The following TJP2 variants were observed in gnomAD, a reference collection of about 807,000 sequenced individuals.
The protein encoded by TJP2 is tight junction protein 2.
TJP2 carries 91 observed loss-of-function variants against 133.1 expected under a neutral mutation model. The observed-to-expected ratio is 0.68, with a 90% CI of 0.58 to 0.81. The LOEUF (loss-of-function observed/expected upper bound fraction) is 0.81. TJP2 is among the 40% of genes least tolerant of loss of function. TJP2 has a pLI of 0.00. For synonymous variants in TJP2, 592 were observed against 583.4 expected, an observed-to-expected ratio of 1.01 and a Z score of -0.21; for missense variants, 1,541 against 1,565.6, an observed-to-expected ratio of 0.98 and a Z score of 0.26.
intron 1 of TJP2, among the ~76,000 whole-genome samples, chr9:69,151,234 C>T (rs975230874): frequency 6.6e-6 from 1 of 152,144 alleles, no homozygotes; most frequent in Admixed American, 6.5e-5. Context: ...GTAATCCCAG[C>T]ACTTTGGGAA....
rs761129648 is a variant in TJP2, at chr9:69,220,956, C to G, written c.412C>G (p.Arg138Gly). 2 of 1,612,680 alleles carry G rather than the reference C, an allele frequency of 1.2e-6. No homozygotes were observed. The highest frequency in any genetic ancestry group is 1.7e-6 in the Non-Finnish European group (2 of 1,179,978). ...CAGCCCTCCCCTGGATCAGGATGAC[C>G]GGGCTTTTGAGGTGATGGACGAGTT... is the stretch of plus-strand genomic sequence containing the variant. ...QASPPLDQDD[R>G]AFEVMDEFDG... is the part of the protein sequence containing the mutation. Residue 138 changes from arginine (R) to glycine (G), a missense_variant, in exon 5 of 23, where the codon CGG becomes GGG. Arg to Gly is a moderately radical substitution (Grantham distance 125). Coordinates refer to ENST00000377245, the MANE Select transcript of TJP2 (RefSeq NM_004817.4).
chr9:69,129,191 TG>T (rs1822381749), intron 1 of TJP2, among the ~76,000 whole-genome samples: 1 of 152,186 alleles, frequency 6.6e-6, no homozygotes, highest in Non-Finnish European at 1.5e-5. Context: ...GTGTACATGG[TG>T]GACATTTTAA....
chr9:69,128,650 G>A (rs1822356059), intron 1 of TJP2, among the ~76,000 whole-genome samples: 1 of 151,838 alleles, frequency 6.6e-6, no homozygotes, highest in Non-Finnish European at 1.5e-5. Context: ...AGCCTCCCGA[G>A]TAGCTGGGAC....
At chr9:69,171,789 ATTTTTTTTTTTTT>A (rs34717893), upstream of TJP2, among the ~76,000 whole-genome samples, 1 of 86,758 alleles carries the variant, frequency 1.2e-5, no homozygotes, top group South Asian at 4.4e-4. Flanking sequence ...GAGTAGAAGA[ATTTTTTTTTTTTT>A]TTTTTTTTTT....
chr9:69,221,215 G>A lies in TJP2; in HGVS notation c.671G>A (p.Gly224Asp), dbSNP rs533518864. 56 of 1,604,362 alleles carry A rather than the reference G, an allele frequency of 3.5e-5. No individual in the cohort carries two copies. In the South Asian group the frequency reaches 5.9e-4, roughly 17 times the overall value. ...DRSRGRSLERGLDHDFGPSRD... is the reference protein window; with the variant it reads ...DRSRGRSLERDLDHDFGPSRD... ...AGCCGTGGCCGGAGCCTGGAGCGGG[G>A]CCTGGACCACGACTTTGGGCCATCC... The change falls in exon 5 of 23, where the codon GGC (glycine) becomes GAC (aspartate). Residue 224 changes from glycine to aspartate, a missense_variant. Physicochemically the swap from Gly to Asp is moderately conservative, Grantham distance 94. Coordinates refer to ENST00000377245, the MANE Select transcript of TJP2 (RefSeq NM_004817.4).
intron 18 of TJP2, among the ~76,000 whole-genome samples, 167 bp from the exon 19 acceptor site, chr9:69,247,845 A>G (rs1831033802): frequency 6.6e-6 from 1 of 152,198 alleles, no homozygotes; most frequent in Admixed American, 6.5e-5. Context: ...CATAATATCA[A>G]CATTGTACCA....
Position 69,221,098 on chromosome 9 carries a change from G to T in TJP2, c.554G>T (p.Arg185Leu). 6.3e-7 allele frequency: 1 copy of T among 1,582,944 alleles called. No homozygotes were observed. Among genetic ancestry groups the T allele is most frequent in the South Asian group, 1.1e-5 (1 of 87,470 alleles). ...PERGRPHERA[R>L]SRERDLSRDR... ...AGGGGGCGTCCCCATGAGCGGGCCC[G>T]GAGCCGGGAGCGGGACCTCAGCCGG... The change falls in exon 5 of 23, where the codon CGG (arginine) becomes CTG (leucine). Residue 185 changes from arginine (R) to leucine (L), a missense_variant. Physicochemically the swap from Arg to Leu is moderately radical, Grantham distance 102. Transcript: ENST00000377245.
chr9:69,232,166 A>T (rs1436155198), intron 11 of TJP2, among the ~76,000 whole-genome samples: 1 of 152,138 alleles, frequency 6.6e-6, no homozygotes, highest in Admixed American at 6.5e-5. Context: ...CACGGAAGGA[A>T]CTCTGGGAAC....
chr9:69,245,424 G>T (rs1344679348), intron 17 of TJP2, among the ~76,000 whole-genome samples: 1 of 152,050 alleles, frequency 6.6e-6, no homozygotes, highest in African/African-American at 2.4e-5. Flanking sequence ...TAATTTTAGG[G>T]GTACAATTTG....
intron 18 of TJP2, 123 bp downstream of exon 18, chr9:69,246,913 G>T: frequency 2.2e-6 from 2 of 905,352 alleles, no homozygotes; most frequent in Non-Finnish European, 3.6e-6. Context: ...TGCTAATCAA[G>T]TTTGAAATTT....
chr9:69,238,934 T>G, intron 16 of TJP2, 145 bp downstream of exon 16: 1 of 743,524 alleles, frequency 1.3e-6, no homozygotes, highest in Admixed American at 2.0e-5. Context: ...ACACCTGTAA[T>G]CCCAACACTT....
intron 1 of TJP2, among the ~76,000 whole-genome samples, chr9:69,134,297 C>A (rs944619028): frequency 2.0e-5 from 3 of 152,186 alleles, no homozygotes; most frequent in Non-Finnish European, 4.4e-5. Context: ...AGCTTACAGT[C>A]TGGAGGAGGC....
chr9:69,169,548 C>T (rs887960105), upstream of TJP2, among the ~76,000 whole-genome samples: 1 of 151,648 alleles, frequency 6.6e-6, no homozygotes, highest in Non-Finnish European at 1.5e-5. Flanking sequence ...TTAGTAGAGA[C>T]GGGGTTTCAC....
chr9:69,144,533 GAAGGAGCTATTTA>G (rs1823135202), intron 1 of TJP2, among the ~76,000 whole-genome samples: 1 of 152,140 alleles, frequency 6.6e-6, no homozygotes, highest in African/African-American at 2.4e-5. Flanking sequence ...AGTTGGTGAG[GAAGGAGCTATTTA>G]AGTCAGAACT....
At chr9:69,234,578 G>A (rs1287818662) in intron 12 of TJP2, 31 bp downstream of exon 12, 1 of 1,250,420 alleles carries the variant, frequency 8.0e-7, no homozygotes, top group South Asian at 1.2e-5. Context: ...AGTTTAGTTG[G>A]GGTGGGGGTG....
chr9:69,140,263 A>G (rs945083375), intron 1 of TJP2, among the ~76,000 whole-genome samples: 1 of 152,200 alleles, frequency 6.6e-6, no homozygotes, highest in Non-Finnish European at 1.5e-5. Flanking sequence ...TGGATGTTAC[A>G]TGTGCTCAGT....
intron 11 of TJP2, among the ~76,000 whole-genome samples, chr9:69,230,729 G>A (rs1379554758): frequency 6.6e-6 from 1 of 152,142 alleles, no homozygotes; most frequent in Non-Finnish European, 1.5e-5. Context: ...TCTGTTTAAT[G>A]GGGATGAGAA....
In TJP2 at chr9:69,236,978, C is replaced by T. The variant is rs762116181; in HGVS notation, c.2021C>T (p.Ala674Val). The change falls in exon 14 of 23, where the codon GCC (alanine) becomes GTC (valine). Residue 674 changes from alanine to valine, a missense_variant. Coordinates refer to ENST00000377245, the MANE Select transcript of TJP2 (RefSeq NM_004817.4). ...GAACAAATGGCCAGTGTTCAAAATG[C>T]CCAGAGAGACAACGCTGGGGACCGG... ...RAEQMASVQN[A>V]QRDNAGDRAD... 1.5e-5 allele frequency: 24 copies of T among 1,614,032 alleles called. No individual in the cohort carries two copies. In the Admixed American group the frequency reaches 4.0e-4, roughly 27 times the overall value.
At chr9:69,216,009 G>A (rs1169866535) in intron 2 of TJP2, among the ~76,000 whole-genome samples, 1 of 152,176 alleles carries the variant, frequency 6.6e-6, no homozygotes, top group Non-Finnish European at 1.5e-5. Context: ...GATGCAAAGA[G>A]GTACAACTGG....
Sources: gnomAD v4.1 joint callset for allele counts (sites outside exome capture counted in the v4.1 genomes callset) on GRCh38, gnomAD v4.1.1 for gene constraint, MANE v1.5 for transcripts, NCBI Gene and HGNC (gene_info 2026-07-23, HGNC 2026-07-21) for gene names.